The following DMXL2 variants were observed in gnomAD, a reference collection of about 807,000 sequenced individuals.
DMXL2 encodes Dmx like 2, also known as dmX-like protein 2.
DMXL2 carries 103 observed loss-of-function variants against 331.1 expected under a neutral mutation model. That is an observed-to-expected ratio of 0.31 (90% confidence interval 0.27 to 0.37). DMXL2 has a LOEUF of 0.37. Among genes scored for constraint, DMXL2 ranks in the 10% least tolerant of loss-of-function variants. DMXL2 has a pLI of 1.00. For synonymous variants in DMXL2, 1,281 were observed against 1,252.1 expected, an observed-to-expected ratio of 1.02 and a Z score of -0.49; for missense variants, 3,171 against 3,642.9, an observed-to-expected ratio of 0.87 and a Z score of 3.33.
intron 16 of DMXL2, among the ~76,000 whole-genome samples, chr15:51,503,595 G>A (rs865903636): frequency 6.6e-6 from 1 of 152,212 alleles, no homozygotes; most frequent in South Asian, 2.1e-4. Flanking sequence ...TGGGTGAAGA[G>A]ACTCTTTAAT....
At chr15:51,474,620 G>GT in intron 27 of DMXL2, 28 bp from the exon 28 acceptor site, 1 of 1,549,706 alleles carries the variant, frequency 6.5e-7, no homozygotes, top group Non-Finnish European at 8.7e-7. Flanking sequence ...ATCATAAGAC[G>GT]TATGTCAGGA....
intron 42 of DMXL2, among the ~76,000 whole-genome samples, chr15:51,451,010 G>A (rs1177378752): frequency 1.3e-5 from 2 of 152,180 alleles, no homozygotes; most frequent in African/African-American, 4.8e-5. Flanking sequence ...AGCACTTTTT[G>A]GGTGGTACTA....
chr15:51,451,046 A>AT (rs1405385908), intron 42 of DMXL2, among the ~76,000 whole-genome samples: 1 of 152,244 alleles, frequency 6.6e-6, no homozygotes, highest in Non-Finnish European at 1.5e-5. Flanking sequence ...TAGGACACTA[A>AT]TTTGGCAAGT....
chr15:51,617,280 C>A (rs1182481032), intron 1 of DMXL2, among the ~76,000 whole-genome samples: 1 of 152,156 alleles, frequency 6.6e-6, no homozygotes, highest in Non-Finnish European at 1.5e-5. Context: ...AGGAAAGCTG[C>A]GAAAGGAGAA....
chr15:51,456,603 T>C (rs991364136), intron 37 of DMXL2, among the ~76,000 whole-genome samples: 2 of 152,234 alleles, frequency 1.3e-5, no homozygotes, highest in South Asian at 4.2e-4. Flanking sequence ...CTTCATCTCA[T>C]AATAAAGGAA....
chr15:51,519,636 GTTTTTTTTTTT>G (rs61062444), intron 13 of DMXL2, among the ~76,000 whole-genome samples: 3 of 84,900 alleles, frequency 3.5e-5, no homozygotes, highest in Non-Finnish European at 4.8e-5. Flanking sequence ...AAAGTCTCTT[GTTTTTTTTTTT>G]TTTTTTTTTT....
Position 51,537,501 on chromosome 15 carries a change from A to C in DMXL2, c.1604T>G (p.Phe535Cys). The C allele has an allele frequency of 6.2e-7, 1 of 1,611,342 alleles. No homozygotes were observed. Among genetic ancestry groups the C allele is most frequent in the Non-Finnish European group, 8.5e-7 (1 of 1,178,100 alleles). ...AATAAAATATACCTGAACTTGTCTA[A>C]ATATTCCAGGATTATATTCATCCAA... is the stretch of plus-strand genomic sequence containing the variant. The part of the protein sequence containing the change: ...KYLDEYNPGI[F>C]RQVQVSFSSR... Residue 535 changes from phenylalanine (F) to cysteine (C), a missense_variant, in exon 11 of 44, where the codon TTT (phenylalanine) becomes TGT (cysteine). This residue lies in a region of DMXL2 where 1,674 missense variants were observed against 1,780.2 expected (regional missense o/e 0.94). Transcript: ENST00000560891.
intron 1 of DMXL2, among the ~76,000 whole-genome samples, 195 bp from the exon 2 acceptor site, chr15:51,576,376 T>C (rs2141135008): frequency 6.6e-6 from 1 of 152,124 alleles, no homozygotes; most frequent in South Asian, 2.1e-4. Flanking sequence ...CTGATGACAC[T>C]CCATGCATTA....
chr15:51,578,666 A>G (rs571036217), intron 1 of DMXL2, among the ~76,000 whole-genome samples: 5 of 152,360 alleles, frequency 3.3e-5, no homozygotes, highest in African/African-American at 1.2e-4. Flanking sequence ...CCCTATAAGT[A>G]TATATACAAA....
chr15:51,480,389 CAT>C (rs2041923760), intron 24 of DMXL2, among the ~76,000 whole-genome samples, 151 bp downstream of exon 24: 1 of 152,094 alleles, frequency 6.6e-6, no homozygotes, highest in African/African-American at 2.4e-5. Context: ...GTCTAAGACA[CAT>C]AGAGTATAAA....
chr15:51,522,518 C>T lies in DMXL2; in HGVS notation c.2437-5351G>A, dbSNP rs972071651. On this transcript the variant is annotated intron_variant, in intron 13 of 43. Coordinates refer to ENST00000560891, the MANE Select transcript of DMXL2 (RefSeq NM_001378457.1). Reference sequence around the variant, plus strand: ...AATTAGCTGGGCATGGTGGCAGACGCCTGTAGTCCCAGCTACTCAGGAGGC... The same window carrying T: ...AATTAGCTGGGCATGGTGGCAGACGTCTGTAGTCCCAGCTACTCAGGAGGC... Among the ~76,000 whole-genome samples the T allele has an allele frequency of 4.6e-5, 7 of 152,290 alleles. 1 individual carries two copies. In the South Asian group the frequency reaches 8.3e-4, roughly 18 times the overall value.
rs763688063 is a variant in DMXL2 at position 51,499,324 on chromosome 15, G to A, written c.3900C>T (p.Thr1300=). Residue 1300 remains threonine, a synonymous_variant, in exon 18 of 44, where the codon ACC becomes ACT. Coordinates refer to ENST00000560891, the MANE Select transcript of DMXL2 (RefSeq NM_001378457.1). ...AEEAAMQDHS[T]FKSNMLARKS... is the part of the protein sequence containing the mutation. ...TTCTTGCCAGCATATTAGATTTAAA[G>A]GTCGAATGATCTTGCATTGCTGCCT... 9.3e-6 allele frequency: 15 copies of A among 1,613,930 alleles called. No individual in the cohort carries two copies. The highest frequency in any genetic ancestry group is 1.2e-5 in the Non-Finnish European group (14 of 1,180,010).
At chr15:51,607,001 T>A (rs1301695138) in intron 1 of DMXL2, among the ~76,000 whole-genome samples, 1 of 151,518 alleles carries the variant, frequency 6.6e-6, no homozygotes, top group Non-Finnish European at 1.5e-5. Context: ...CTACTAAAAA[T>A]TTAAAAATTA....
intron 9 of DMXL2, 137 bp from the exon 10 acceptor site, chr15:51,538,589 T>C (rs980000853): frequency 8.2e-6 from 5 of 611,626 alleles, no homozygotes; most frequent in Admixed American, 3.4e-5. Flanking sequence ...GTAAAAACTT[T>C]AACTGAATTT....
intron 1 of DMXL2, among the ~76,000 whole-genome samples, chr15:51,615,061 T>C (rs1057096101): frequency 1.3e-5 from 2 of 152,152 alleles, no homozygotes; most frequent in African/African-American, 4.8e-5. Context: ...TAACATTAGA[T>C]ACGGGACATA....
Position 51,576,183 on chromosome 15 carries a change from TAAAAAAAA to T in DMXL2, c.88-10_88-3del. ...AATATCACAGCCTGATCCATATGCC[TAAAAAAAA>T]AAAAAAAAAAAAGTTTTACAATACA... On this transcript the variant is annotated splice_region_variant and splice_polypyrimidine_tract_variant and intron_variant, in intron 1 of 43. Transcript: ENST00000560891. 1.8e-5 allele frequency: 11 copies of T among 626,258 alleles called. No individual in the cohort carries two copies. Among genetic ancestry groups the T allele is most frequent in the Non-Finnish European group, 2.2e-5 (11 of 493,522 alleles). The allele number at this position is 626,258 out of a possible 1,614,324, so 38.8% of individuals were successfully genotyped here.
In DMXL2 at chr15:51,466,302, G is replaced by C; in HGVS notation, c.7402C>G (p.Pro2468Ala). The change falls in exon 30 of 44, where the codon CCT (proline) becomes GCT (alanine). Residue 2468 changes from proline (P) to alanine (A), a missense_variant. Transcript: ENST00000560891. ...WDYFVAKPFL[P>A]LSDSGVIYDS... is the part of the protein sequence containing the mutation. ...TATATAACACCACTATCAGACAAAGGAAGAAATGGCTGCAATAAAAGGTAA... is the reference window on the plus strand; with the variant it reads ...TATATAACACCACTATCAGACAAAGCAAGAAATGGCTGCAATAAAAGGTAA... 7.3e-7 allele frequency: 1 copy of C among 1,378,924 alleles called. No individual in the cohort carries two copies. Among genetic ancestry groups the C allele is most frequent in the Non-Finnish European group, 9.5e-7 (1 of 1,050,352 alleles). 85.4% of individuals were successfully genotyped at this position (1,378,924 alleles called of 1,614,324 possible).
At chr15:51,510,209 C>A (rs1016554106) in intron 15 of DMXL2, among the ~76,000 whole-genome samples, 22 of 152,132 alleles carry the variant, frequency 1.4e-4, no homozygotes, top group Non-Finnish European at 2.6e-4. Flanking sequence ...CTGGCCAGGG[C>A]AATCAGGCAA....
chr15:51,575,905 G>A, intron 2 of DMXL2, 151 bp downstream of exon 2: 1 of 727,862 alleles, frequency 1.4e-6, no homozygotes, highest in South Asian at 1.8e-5. Context: ...TTTACAATTT[G>A]TATAAACCTA....
Sources: gnomAD v4.1 joint callset for allele counts (sites outside exome capture counted in the v4.1 genomes callset) on GRCh38, gnomAD v4.1.1 for gene constraint, gnomAD v4.1.1 regional missense constraint, MANE v1.5 for transcripts, NCBI Gene and HGNC (gene_info 2026-07-23, HGNC 2026-07-21) for gene names.